The following ANKRD45 variants were observed in gnomAD, a reference collection of about 807,000 sequenced individuals.
The protein encoded by ANKRD45 is ankyrin repeat domain 45.
Under a neutral mutation model 28.1 loss-of-function variants are expected in ANKRD45, and 21 were observed. The observed-to-expected ratio is 0.75, with a 90% confidence interval of 0.53 to 1.08. ANKRD45 has a LOEUF of 1.08. Ranked by LOEUF, ANKRD45 falls within the 50% of genes least tolerant of loss-of-function variation. The pLI, the probability that ANKRD45 is intolerant of heterozygous loss-of-function variation, is 0.00. For synonymous variants in ANKRD45, 86 were observed against 103.9 expected (o/e 0.83, Z 1.05); for missense variants, 261 against 308.7 (o/e 0.85, Z 1.16).
At chr1:173,684,141 G>C in the ANKRD45 span, among the ~76,000 whole-genome samples, 7 of 152,126 alleles carry the variant, frequency 4.6e-5, no homozygotes, top group Admixed American at 4.6e-4. Flanking sequence ...CAGCTGATCC[G>C]AATGAGTTAG....
At chr1:173,669,168 A>G (rs895313923) in intron 1 of ANKRD45, among the ~76,000 whole-genome samples, 79 of 152,296 alleles carry the variant, frequency 5.2e-4, no homozygotes, top group African/African-American at 1.7e-3. Flanking sequence ...GTGCTTTGAA[A>G]GTAAAACCGT....
At chr1:173,697,690 G>A in the ANKRD45 span, among the ~76,000 whole-genome samples, 11 of 152,226 alleles carry the variant, frequency 7.2e-5, no homozygotes, top group Middle Eastern at 3.4e-3. Flanking sequence ...AGGAACAACC[G>A]GTATCAGCTA....
Position 173,669,826 on chromosome 1 carries a change from G to GC in ANKRD45, c.-26dup, listed in dbSNP as rs1159538070. 5.9e-6 allele frequency: 1 copy of GC among 170,704 alleles called. No individual in the cohort carries two copies. The allele number at this position is 170,704 out of a possible 1,614,324, so 10.6% of individuals were successfully genotyped here. A position where few individuals can be genotyped will look rare whatever the true frequency, so the allele number is the denominator to read the frequency against. On this transcript the variant is annotated 5_prime_UTR_variant, in exon 1 of 6. Coordinates refer to ENST00000333279, the MANE Select transcript of ANKRD45 (RefSeq NM_198493.3). ...GGACCCCTAGACTCACCACACCCGG[G>GC]CCCCGGCCTCCTCGGTTACCATAGC...
chr1:173,670,776 C>A (rs1670222486), upstream of ANKRD45, among the ~76,000 whole-genome samples: 1 of 152,148 alleles, frequency 6.6e-6, no homozygotes, highest in Non-Finnish European at 1.5e-5. Flanking sequence ...AAGGCACTCT[C>A]CGAATAGATA....
intron 2 of ANKRD45, among the ~76,000 whole-genome samples, chr1:173,651,662 T>C (rs997123482): frequency 4.6e-5 from 7 of 152,188 alleles, no homozygotes; most frequent in African/African-American, 1.7e-4. Context: ...GGGGATGGCA[T>C]TGAATCTATA....
At chr1:173,710,946 A>G in the ANKRD45 span, among the ~76,000 whole-genome samples, 1 of 152,104 alleles carries the variant, frequency 6.6e-6, no homozygotes, top group Non-Finnish European at 1.5e-5. Flanking sequence ...CAGAGGCAAC[A>G]GTGAGCTGTG....
chr1:173,656,204 C>A (rs1287812413), intron 2 of ANKRD45, among the ~76,000 whole-genome samples: 2 of 152,234 alleles, frequency 1.3e-5, no homozygotes, highest in African/African-American at 4.8e-5. Context: ...CTGGGATCTG[C>A]AGACTGGAGC....
At chr1:173,672,112 G>T (rs909749475), upstream of ANKRD45, among the ~76,000 whole-genome samples, 1 of 152,110 alleles carries the variant, frequency 6.6e-6, no homozygotes, top group Non-Finnish European at 1.5e-5. Context: ...GACCCATACA[G>T]ATTCACCACC....
At chr1:173,659,581 T>C in intron 1 of ANKRD45, 148 bp from the exon 2 acceptor site, 1 of 693,246 alleles carries the variant, frequency 1.4e-6, no homozygotes. Flanking sequence ...CTTCAGCAAT[T>C]CCATCAATAA....
intron 3 of ANKRD45, chr1:173,636,939 A>G: frequency 6.5e-7 from 1 of 1,535,840 alleles, no homozygotes; most frequent in African/African-American, 1.4e-5. Context: ...GTGATATACA[A>G]GATCTGGGAG....
intron 1 of ANKRD45, among the ~76,000 whole-genome samples, chr1:173,665,461 T>C (rs1669965051): frequency 6.6e-6 from 1 of 152,220 alleles, no homozygotes; most frequent in Non-Finnish European, 1.5e-5. Flanking sequence ...GAGATCAGTC[T>C]GATCCCAGGT....
chr1:173,610,203 C>A lies in ANKRD45; in HGVS notation c.743G>T (p.Ser248Ile), dbSNP rs1283735623. The change falls in exon 6 of 6, where the codon AGT becomes ATT. Residue 248 changes from serine to isoleucine, a missense_variant. By Grantham distance (142) the Ser-to-Ile change is moderately radical. Transcript: ENST00000333279. The stretch of plus-strand genomic sequence containing the variant: ...GTCATGGCTTGTTACAGATTTGGCA[C>A]TTTTCACTTGACCTGAAAGGAAACA... ...TKMTTPCQVK[S>I]AKSVTSHDQK... The A allele has an allele frequency of 3.1e-6, 5 of 1,614,048 alleles. No individual in the cohort carries two copies. The highest frequency in any genetic ancestry group is 4.2e-6 in the Non-Finnish European group (5 of 1,179,950).
the ANKRD45 span, among the ~76,000 whole-genome samples, chr1:173,688,669 CCTCTCTCTCTTTCT>C: frequency 7.1e-6 from 1 of 140,804 alleles, no homozygotes; most frequent in Non-Finnish European, 1.5e-5. Flanking sequence ...CTGCCTCTTT[CCTCTCTCTCTTTCT>C]GCCTCTTTCC....
the ANKRD45 span, among the ~76,000 whole-genome samples, chr1:173,688,646 CCTCT>C: frequency 9.1e-4 from 126 of 138,198 alleles, 4 homozygotes; most frequent in Non-Finnish European, 1.4e-3. Flanking sequence ...CTGCCTCTTT[CCTCT>C]CTCTCTTTCT....
intron 2 of ANKRD45, chr1:173,657,858 C>T (rs1451538884): frequency 2.6e-5 from 4 of 151,526 alleles, no homozygotes; most frequent in Non-Finnish European, 5.9e-5. Flanking sequence ...CTAATTTCTT[C>T]AGTCAAATGC....
At chr1:173,700,990 C>T in the ANKRD45 span, among the ~76,000 whole-genome samples, 6 of 152,108 alleles carry the variant, frequency 3.9e-5, no homozygotes, top group Non-Finnish European at 5.9e-5. Flanking sequence ...AAAGCAACCC[C>T]ATCAAAAAGT....
chr1:173,610,190 T>C lies in ANKRD45; in HGVS notation c.756A>G (p.Val252=). ...GACTTCTCTTCTGGTCATGGCTTGT[T>C]ACAGATTTGGCACTTTTCACTTGAC... ...TPCQVKSAKS[V]TSHDQKRSQD... The change falls in exon 6 of 6, where the codon GTA becomes GTG. Residue 252 remains valine (V), a synonymous_variant. Transcript: ENST00000333279. 6.2e-7 allele frequency: 1 copy of C among 1,614,218 alleles called. No individual in the cohort carries two copies. Among genetic ancestry groups the C allele is most frequent in the South Asian group, 1.1e-5 (1 of 91,084 alleles).
At chr1:173,622,878 G>C (rs1174486089) in intron 5 of ANKRD45, among the ~76,000 whole-genome samples, 1 of 152,054 alleles carries the variant, frequency 6.6e-6, no homozygotes, top group Non-Finnish European at 1.5e-5. Context: ...ACAACCTACA[G>C]AAAATTTTTG....
At chr1:173,692,664 CAGTG>C in the ANKRD45 span, among the ~76,000 whole-genome samples, 1 of 152,174 alleles carries the variant, frequency 6.6e-6, no homozygotes, top group African/African-American at 2.4e-5. Context: ...AAAACATAAA[CAGTG>C]AGAAGCAATG....
Sources: allele counts gnomAD v4.1 joint callset (sites outside exome capture counted in the v4.1 genomes callset), GRCh38; gene constraint gnomAD v4.1.1; transcripts MANE v1.5; gene names NCBI Gene and HGNC (gene_info 2026-07-23, HGNC 2026-07-21).